UBE2D2: variants seen among roughly 807,000 people sequenced by gnomAD.
UBE2D2 encodes the protein ubiquitin conjugating enzyme E2 D2.
A neutral mutation model predicts 24.2 loss-of-function variants in UBE2D2; 2 were observed. The ratio of observed to expected loss-of-function variants is 0.08; its 90% CI spans 0.03 to 0.26. The LOEUF is 0.26. Among genes scored for constraint, UBE2D2 ranks in the 10% least tolerant of loss-of-function variants. UBE2D2 has a pLI of 1.00. For synonymous variants in UBE2D2, 58 were observed against 56.5 expected (o/e 1.03, Z -0.12); for missense variants, 44 against 177.6 (o/e 0.25, Z 4.28).
At chr5:139,549,317 T>C (rs1244223070) in intron 1 of UBE2D2, among the ~76,000 whole-genome samples, 1 of 152,096 alleles carries the variant, frequency 6.6e-6, no homozygotes, top group Non-Finnish European at 1.5e-5. Context: ...CGGAGCCAGC[T>C]CCCTCTGCTT....
At chr5:139,621,587 T>C (rs148307599) in intron 5 of UBE2D2, among the ~76,000 whole-genome samples, 1 of 152,286 alleles carries the variant, frequency 6.6e-6, no homozygotes, top group African/African-American at 2.4e-5. Context: ...TTTATGGTTG[T>C]CGTTTTTGCT....
At chr5:139,550,492 T>TG in intron 1 of UBE2D2, among the ~76,000 whole-genome samples, 1 of 151,426 alleles carries the variant, frequency 6.6e-6, no homozygotes, top group East Asian at 2.0e-4. Flanking sequence ...AGGATGTGGG[T>TG]GGGGTCAGAA....
intron 5 of UBE2D2, among the ~76,000 whole-genome samples, chr5:139,617,313 C>T (rs1218685237): frequency 4.6e-5 from 7 of 150,770 alleles, no homozygotes; most frequent in African/African-American, 1.5e-4. Flanking sequence ...TGTTGAGTGT[C>T]CAGAAATAGA....
intron 1 of UBE2D2, 120 bp from the exon 2 acceptor site, chr5:139,600,252 G>T: frequency 9.5e-7 from 1 of 1,054,438 alleles, no homozygotes; most frequent in Admixed American, 1.8e-5. Context: ...TACTCTGAAG[G>T]AATGCTCTTA....
rs1442887483 is a variant in UBE2D2 at position 139,627,566 on chromosome 5, A to C, written c.*765A>C. The C allele has an allele frequency of 6.6e-6, 1 of 152,668 alleles. No homozygotes were observed. The highest frequency in any genetic ancestry group is 6.5e-5 in the Admixed American group (1 of 15,276). The allele number at this position is 152,668 out of a possible 1,614,324, so 9.5% of individuals were successfully genotyped here. A position where few individuals can be genotyped will look rare whatever the true frequency, so the allele number is the denominator to read the frequency against. Reference sequence around the variant, plus strand: ...TAACCGCTTAGGTCTATTTGGATGTAAGGGTGAAAATTCATTTGATGGAAA... The same window carrying C: ...TAACCGCTTAGGTCTATTTGGATGTCAGGGTGAAAATTCATTTGATGGAAA... On this transcript the variant is annotated 3_prime_UTR_variant, in exon 7 of 7. Transcript: ENST00000398733.
At chr5:139,593,515 A>G (rs555957544) in intron 1 of UBE2D2, among the ~76,000 whole-genome samples, 1 of 152,108 alleles carries the variant, frequency 6.6e-6, no homozygotes, top group African/African-American at 2.4e-5. Flanking sequence ...ATATGTAACA[A>G]TGTATACATT....
chr5:139,601,598 A>G (rs991495651), intron 2 of UBE2D2, among the ~76,000 whole-genome samples: 1 of 152,134 alleles, frequency 6.6e-6, no homozygotes, highest in Non-Finnish European at 1.5e-5. Flanking sequence ...TGGGCGACAG[A>G]GTGAGACGCT....
At chr5:139,540,619 T>C (rs1304756182) in intron 1 of UBE2D2, among the ~76,000 whole-genome samples, 1 of 151,764 alleles carries the variant, frequency 6.6e-6, no homozygotes, top group African/African-American at 2.4e-5. Context: ...AGGAAACCAA[T>C]GTGCAGGTTT....
At chr5:139,620,066 C>T (rs1438085358) in intron 5 of UBE2D2, among the ~76,000 whole-genome samples, 2 of 152,134 alleles carry the variant, frequency 1.3e-5, no homozygotes, top group Non-Finnish European at 2.9e-5. Flanking sequence ...CTCATGAGAA[C>T]TCTATCACAA....
chr5:139,585,874 T>C (rs2126670259), intron 1 of UBE2D2, among the ~76,000 whole-genome samples: 1 of 144,646 alleles, frequency 6.9e-6, no homozygotes. Context: ...GAGGTGGAGA[T>C]TGCAGTGAGT....
In UBE2D2 at chr5:139,528,844, G is replaced by A. The variant is rs187647197; in HGVS notation, c.-64+2232G>A. 6.6e-5 allele frequency among the ~76,000 whole-genome samples: 10 copies of A among 152,182 alleles called. No individual in the cohort carries two copies. In the East Asian group the frequency reaches 1.7e-3, roughly 26 times the overall value. On this transcript the variant is annotated intron_variant, in intron 1 of 6. Coordinates refer to the UBE2D2 transcript ENST00000511725. ...TAGTAGGCCCAACCACTGAGACCAC[G>A]CTTAAACATCAGTAGACTAGGAGCT...
chr5:139,585,559 G>A (rs1753710990), intron 1 of UBE2D2, among the ~76,000 whole-genome samples: 2 of 152,050 alleles, frequency 1.3e-5, no homozygotes, highest in Non-Finnish European at 2.9e-5. Context: ...CGCTATTGGT[G>A]ATTGGGCTGA....
intron 1 of UBE2D2, among the ~76,000 whole-genome samples, chr5:139,564,272 G>T (rs1753170324): frequency 6.6e-6 from 1 of 151,972 alleles, no homozygotes; most frequent in African/African-American, 2.4e-5. Flanking sequence ...TTCTGCTTCA[G>T]CCTCCCGAGT....
At chr5:139,599,800 T>G (rs1457243297) in intron 1 of UBE2D2, among the ~76,000 whole-genome samples, 1 of 151,728 alleles carries the variant, frequency 6.6e-6, no homozygotes, top group Non-Finnish European at 1.5e-5. Flanking sequence ...ATAATACATG[T>G]TTTTTGTTTG....
intron 1 of UBE2D2, among the ~76,000 whole-genome samples, chr5:139,540,295 G>C (rs776768046): frequency 5.9e-5 from 9 of 152,092 alleles, no homozygotes; most frequent in Non-Finnish European, 1.2e-4. Flanking sequence ...TACTATTTTT[G>C]CTAGTTCCAG....
intron 1 of UBE2D2, among the ~76,000 whole-genome samples, chr5:139,542,216 G>A (rs974260445): frequency 1.3e-5 from 2 of 152,098 alleles, no homozygotes; most frequent in Admixed American, 6.6e-5. Context: ...GTGAATTCAC[G>A]AGTACCATTT....
intron 1 of UBE2D2, among the ~76,000 whole-genome samples, chr5:139,543,255 A>T (rs1752781462): frequency 6.6e-6 from 1 of 152,216 alleles, no homozygotes; most frequent in Non-Finnish European, 1.5e-5. Context: ...TGGGGGAAGA[A>T]GGTAAACTTT....
intron 1 of UBE2D2, among the ~76,000 whole-genome samples, chr5:139,568,046 T>A (rs375356881): frequency 3.9e-4 from 60 of 152,236 alleles, no homozygotes; most frequent in African/African-American, 1.4e-3. Context: ...TACTGTATTT[T>A]AAAAAATTGC....
At chr5:139,559,046 C>T (rs575904952), upstream of UBE2D2, among the ~76,000 whole-genome samples, 36 of 152,058 alleles carry the variant, frequency 2.4e-4, no homozygotes, top group Non-Finnish European at 4.9e-4. Flanking sequence ...AGTGATCTTC[C>T]CGCCTCAGCT....
Sources: allele counts gnomAD v4.1 joint callset (sites outside exome capture counted in the v4.1 genomes callset), GRCh38; gene constraint gnomAD v4.1.1; transcripts MANE v1.5; gene names NCBI Gene and HGNC (gene_info 2026-07-23, HGNC 2026-07-21).